MASTL: variants seen among roughly 807,000 people sequenced by gnomAD.
MASTL encodes serine/threonine-protein kinase greatwall.
A neutral mutation model predicts 82.5 loss-of-function variants in MASTL; 54 were observed. The observed-to-expected ratio is 0.65, with a 90% CI of 0.53 to 0.82. MASTL has a LOEUF of 0.82. Ranked by LOEUF, MASTL falls within the 40% of genes least tolerant of loss-of-function variation. The pLI, the probability that MASTL is intolerant of heterozygous loss-of-function variation, is 0.00. For synonymous variants in MASTL, 323 were observed against 368.9 expected (o/e 0.88, Z 1.43); for missense variants, 950 against 1,047.8 (o/e 0.91, Z 1.29).
chr10:27,170,089 C>G lies in MASTL; in HGVS notation c.1130C>G (p.Ala377Gly), dbSNP rs755569058. ...LALSPIHNSSALPTTGRSCVN... is the reference protein window; with the variant it reads ...LALSPIHNSSGLPTTGRSCVN... ...CTTTCTCCCATTCATAACAGCAGTG[C>G]CCTTCCCACCACTGGACGCTCTTGT... is the stretch of plus-strand genomic sequence containing the variant. Residue 377 changes from alanine to glycine, a missense_variant, in exon 8 of 12, where the codon GCC (alanine) becomes GGC (glycine). Transcript: ENST00000375940. 8 of 1,614,050 alleles carry G rather than the reference C, an allele frequency of 5.0e-6. No homozygotes were observed. Among genetic ancestry groups the G allele is most frequent in the Non-Finnish European group, 6.8e-6 (8 of 1,180,036 alleles).
intron 8 of MASTL, among the ~76,000 whole-genome samples, chr10:27,171,410 AATTATTATTATT>A (rs71386919): frequency 0.51 from 73,682 of 144,610 alleles, 20,836 homozygotes; most frequent in Non-Finnish European, 0.64. Context: ...TGAGTTACAA[AATTATTATTATT>A]ATTATTATTA....
At chr10:27,158,079 TTCTATCTTGAAGATTTTTTTAAACCG>T (rs1474016174) in intron 1 of MASTL, among the ~76,000 whole-genome samples, 3 of 152,322 alleles carry the variant, frequency 2.0e-5, no homozygotes, top group African/African-American at 7.2e-5. Context: ...AGATAAGCAA[TTCTATCTTGAAGATTTTTTTAAACCG>T]TCTTAACTAT....
At chr10:27,180,036 G>T (rs1381183717) in intron 9 of MASTL, among the ~76,000 whole-genome samples, 1 of 152,206 alleles carries the variant, frequency 6.6e-6, no homozygotes, top group African/African-American at 2.4e-5. Context: ...GGAAAATAAA[G>T]AGGAAAGCAG....
At chr10:27,165,284 ATTTAC>A (rs1216971553) in intron 5 of MASTL, 100 bp from the exon 6 acceptor site, 1 of 1,423,282 alleles carries the variant, frequency 7.0e-7, no homozygotes, top group East Asian at 2.3e-5. Context: ...AAGCATTTGG[ATTTAC>A]TTTAACAGTT....
chr10:27,176,378 C>T (rs2058101595), intron 9 of MASTL, among the ~76,000 whole-genome samples: 1 of 152,160 alleles, frequency 6.6e-6, no homozygotes, highest in East Asian at 1.9e-4. Context: ...GATTTTTCTT[C>T]CAAAACCATC....
At position 27,161,196 on chromosome 10, in the gene MASTL, CAAGT is replaced by C; in HGVS notation, c.553+20_553+23del. On this transcript the variant is annotated intron_variant, in intron 4 of 11. Transcript: ENST00000375940. The stretch of plus-strand genomic sequence containing the variant: ...CTTTGAATAGAGGTAAGAAAAATAT[CAAGT>C]AAGTACTTTTTTAAAACATCCAACA... 3 of 1,437,634 alleles carry C rather than the reference CAAGT, an allele frequency of 2.1e-6. No homozygotes were observed. Among genetic ancestry groups the C allele is most frequent in the African/African-American group, 2.8e-5 (2 of 71,440 alleles). The allele number at this position is 1,437,634 out of a possible 1,614,324, so 89.1% of individuals were successfully genotyped here.
chr10:27,162,778 T>C (rs1285104010), intron 4 of MASTL, among the ~76,000 whole-genome samples: 6 of 152,240 alleles, frequency 3.9e-5, no homozygotes, highest in African/African-American at 2.4e-5. Flanking sequence ...GAATTATAAC[T>C]ATTAATATTT....
At chr10:27,165,300 T>C in intron 5 of MASTL, 89 bp from the exon 6 acceptor site, 2 of 1,442,862 alleles carry the variant, frequency 1.4e-6, no homozygotes, top group Non-Finnish European at 1.9e-6. Context: ...TTTAACAGTT[T>C]GTCTACTTAG....
intron 1 of MASTL, among the ~76,000 whole-genome samples, chr10:27,157,186 T>G (rs921784306): frequency 6.6e-6 from 1 of 152,206 alleles, no homozygotes; most frequent in African/African-American, 2.4e-5. Flanking sequence ...AAGATTCATC[T>G]TAGCTCCCCT....
Position 27,169,944 on chromosome 10 carries a change from G to C in MASTL, c.985G>C (p.Glu329Gln), listed in dbSNP as rs187230992. ...SSPKWEKDCQ[E>Q]SDEALGPTMM... is the part of the protein sequence containing the mutation. ...AAACAAATATTTTTTTCCCTCTTAG[G>C]AAAGTGATGAAGCATTGGGCCCAAC... Residue 329 changes from glutamate to glutamine, a missense_variant and splice_region_variant, in exon 8 of 12, where the codon GAA becomes CAA. Glu to Gln is a conservative substitution (Grantham distance 29). Coordinates refer to ENST00000375940, the MANE Select transcript of MASTL (RefSeq NM_001172303.3). The C allele has an allele frequency of 1.2e-6, 2 of 1,613,866 alleles. No individual in the cohort carries two copies. Among genetic ancestry groups the C allele is most frequent in the African/African-American group, 2.7e-5 (2 of 74,998 alleles).
intron 7 of MASTL, 73 bp downstream of exon 7, chr10:27,167,347 C>T: frequency 7.8e-7 from 1 of 1,282,572 alleles, no homozygotes; most frequent in Non-Finnish European, 1.1e-6. Context: ...TATACCTTTT[C>T]ATATAAATTC....
In MASTL at chr10:27,186,410, G is replaced by T; in HGVS notation, c.2514G>T (p.Val838=). ...ELKRHPLFSD[V]DWENLQHQTM... is the part of the protein sequence containing the mutation. ...AACGTCATCCTCTCTTCAGTGATGT[G>T]GACTGGGAAAATCTGCAGCATCAGA... The change falls in exon 12 of 12, where the codon GTG becomes GTT. Residue 838 remains valine, a synonymous_variant. Coordinates refer to ENST00000375940, the MANE Select transcript of MASTL (RefSeq NM_001172303.3). The T allele has an allele frequency of 6.2e-7, 1 of 1,613,998 alleles. No homozygotes were observed. The highest frequency in any genetic ancestry group is 1.3e-5 in the African/African-American group (1 of 75,018).
At chr10:27,154,965 A>T, upstream of MASTL, 1 of 168,668 alleles carries the variant, frequency 5.9e-6, no homozygotes. Flanking sequence ...CTGTGCTTTC[A>T]TTAGCTTCCA....
At chr10:27,181,725 G>T in intron 11 of MASTL, 144 bp downstream of exon 11, 1 of 605,436 alleles carries the variant, frequency 1.7e-6, no homozygotes, top group South Asian at 1.5e-5. Flanking sequence ...CTGATCACAA[G>T]GTCAGGAGTT....
chr10:27,182,119 C>T (rs1360201020), intron 11 of MASTL, among the ~76,000 whole-genome samples: 2 of 150,388 alleles, frequency 1.3e-5, no homozygotes, highest in Non-Finnish European at 1.5e-5. Context: ...AGCGTGGTGG[C>T]GTGCACCTGT....
At chr10:27,174,665 G>A (rs1471432793) in intron 9 of MASTL, among the ~76,000 whole-genome samples, 1 of 152,078 alleles carries the variant, frequency 6.6e-6, no homozygotes, top group Non-Finnish European at 1.5e-5. Context: ...ACTTGAAGAT[G>A]CCTCATTCCA....
rs147704366 is a variant in MASTL at position 27,187,442 on chromosome 10, A to G, written c.*906A>G. ...AATTTCTATTGGTGCGTAGTCCACAATATGTATTTGTTTAAAATGGTACTG... is the reference window on the plus strand; with the variant it reads ...AATTTCTATTGGTGCGTAGTCCACAGTATGTATTTGTTTAAAATGGTACTG... On this transcript the variant is annotated 3_prime_UTR_variant, in exon 12 of 12. Coordinates refer to ENST00000375940, the MANE Select transcript of MASTL (RefSeq NM_001172303.3). 3.6e-3 allele frequency among the ~76,000 whole-genome samples: 547 copies of G among 152,278 alleles called. 4 individuals carry two copies. The highest frequency in any genetic ancestry group is 0.023 in the South Asian group (113 of 4,826).
At position 27,160,336 on chromosome 10, in the gene MASTL, G is replaced by A. The variant is rs958148490; in HGVS notation, c.464+578G>A. Among the ~76,000 whole-genome samples the A allele has an allele frequency of 3.2e-4, 48 of 151,594 alleles. 1 individual carries two copies. The highest frequency in any genetic ancestry group is 3.1e-3 in the Admixed American group (47 of 15,190). ...ATGTGAAGAGTATTGAATCCTTTCC[G>A]CTCCTCTGCATTATACAAAAGTGGT... On this transcript the variant is annotated intron_variant, in intron 3 of 11. Coordinates refer to ENST00000375940, the MANE Select transcript of MASTL (RefSeq NM_001172303.3).
rs1214874619 is a variant in MASTL at position 27,173,109 on chromosome 10, T to C, written c.2125-9T>C. ...ATATTTGTTATCTCTTAAACCCTTT[T>C]TGAATTAGCAGACCCCAAATCAGAT... On this transcript the variant is annotated splice_polypyrimidine_tract_variant and intron_variant, in intron 8 of 11. Transcript: ENST00000375940. 5 of 1,614,032 alleles carry C rather than the reference T, an allele frequency of 3.1e-6. No individual in the cohort carries two copies. In the African/African-American group the frequency reaches 5.3e-5, roughly 17 times the overall value.
Sources: allele counts gnomAD v4.1 joint callset (sites outside exome capture counted in the v4.1 genomes callset), GRCh38; gene constraint gnomAD v4.1.1; transcripts MANE v1.5; gene names NCBI Gene and HGNC (gene_info 2026-07-23, HGNC 2026-07-21).